CIB1: variants seen among roughly 807,000 people sequenced by gnomAD.
CIB1 encodes the protein calcium and integrin-binding protein 1.
Under a neutral mutation model 25.0 loss-of-function variants are expected in CIB1, and 19 were observed. The ratio of observed to expected loss-of-function variants is 0.76; its 90% confidence interval spans 0.53 to 1.12. CIB1 has a LOEUF of 1.12. CIB1 is among the 50% of genes most tolerant of loss of function. The pLI is 0.00. For synonymous variants in CIB1, 104 were observed against 98.5 expected, an observed-to-expected ratio of 1.06 and a Z score of -0.33; for missense variants, 236 against 242.6, an observed-to-expected ratio of 0.97 and a Z score of 0.18.
chr15:90,265,417 G>T, the CIB1 span: 1 of 1,280,276 alleles, frequency 7.8e-7, no homozygotes, highest in Non-Finnish European at 9.9e-7. Flanking sequence ...GCAGCCGCTG[G>T]GGCGGAGGGA....
chr15:90,249,465 G>C, the CIB1 span: 45,946 of 152,114 alleles, frequency 0.3, 7,717 homozygotes, highest in East Asian at 0.69. Flanking sequence ...GCCCAAGTGG[G>C]TGTGGCTGCG....
the CIB1 span, chr15:90,250,958 G>A: frequency 6.5e-7 from 1 of 1,541,100 alleles, no homozygotes; most frequent in Non-Finnish European, 8.7e-7. Flanking sequence ...TTCAACATCT[G>A]GAGGAGCTGG....
the CIB1 span, chr15:90,243,618 ATGCCACCACACCT>A: frequency 7.1e-6 from 1 of 140,364 alleles, no homozygotes; most frequent in Non-Finnish European, 1.5e-5. Context: ...GAGTGCTAAG[ATGCCACCACACCT>A]TGGTGCAGGT....
At chr15:90,239,751 C>T in the CIB1 span, among the ~76,000 whole-genome samples, 5 of 152,190 alleles carry the variant, frequency 3.3e-5, no homozygotes, top group Middle Eastern at 3.2e-3. Flanking sequence ...TCTTATTGTC[C>T]AGGCTGGACT....
At chr15:90,265,549 G>C in the CIB1 span, 1 of 1,390,836 alleles carries the variant, frequency 7.2e-7, no homozygotes, top group South Asian at 1.4e-5. Flanking sequence ...AGGCAGAAAG[G>C]GTGGGCCACT....
the CIB1 span, chr15:90,258,337 C>T: frequency 7.4e-7 from 1 of 1,350,192 alleles, no homozygotes; most frequent in South Asian, 1.2e-5. Context: ...ACACCTGGGA[C>T]AGGGGTACAC....
At chr15:90,241,236 C>G in the CIB1 span, 1 of 1,614,184 alleles carries the variant, frequency 6.2e-7, no homozygotes, top group Non-Finnish European at 8.5e-7. Context: ...GAGGCCCCCG[C>G]AGACCATCAA....
the CIB1 span, among the ~76,000 whole-genome samples, chr15:90,247,160 G>A: frequency 6.8e-6 from 1 of 148,048 alleles, no homozygotes; most frequent in Non-Finnish European, 1.5e-5. Flanking sequence ...ATTTTTAGTA[G>A]AGACAGGGTT....
At chr15:90,232,599 G>C (rs747642316) in intron 2 of CIB1, among the ~76,000 whole-genome samples, 1 of 152,196 alleles carries the variant, frequency 6.6e-6, no homozygotes. Flanking sequence ...GTTGGGAAAG[G>C]AGCCAGAAGT....
chr15:90,260,096 T>G, the CIB1 span, among the ~76,000 whole-genome samples: 1 of 152,226 alleles, frequency 6.6e-6, no homozygotes, highest in Non-Finnish European at 1.5e-5. Flanking sequence ...CTGGACTGTG[T>G]ACCTGAGGGT....
the CIB1 span, among the ~76,000 whole-genome samples, chr15:90,247,285 T>C: frequency 5.5e-3 from 826 of 149,756 alleles, 30 homozygotes; most frequent in African/African-American, 0.02. Context: ...TTTTTTCTTT[T>C]CTTTTCTTTT....
the CIB1 span, chr15:90,262,791 A>G: frequency 8.2e-7 from 1 of 1,219,680 alleles, no homozygotes; most frequent in Non-Finnish European, 1.1e-6. Flanking sequence ...GTTCCTAATC[A>G]GTAAATTGAA....
chr15:90,263,551 C>T, the CIB1 span: 2 of 549,712 alleles, frequency 3.6e-6, no homozygotes, highest in African/African-American at 1.9e-5. Flanking sequence ...AACAAAAGAG[C>T]TGCCGCTTTC....
the CIB1 span, chr15:90,249,579 C>T: frequency 6.6e-6 from 1 of 152,288 alleles, no homozygotes; most frequent in Non-Finnish European, 1.5e-5. Flanking sequence ...CCCCGGCAGC[C>T]GCAGCCACGG....
the CIB1 span, among the ~76,000 whole-genome samples, chr15:90,240,438 G>C: frequency 6.6e-6 from 1 of 152,076 alleles, no homozygotes; most frequent in African/African-American, 2.4e-5. Flanking sequence ...AACCCAGGAG[G>C]TGGAGGTTGC....
the CIB1 span, chr15:90,241,466 G>C: frequency 6.2e-7 from 1 of 1,613,748 alleles, no homozygotes; most frequent in Non-Finnish European, 8.5e-7. Context: ...CGGGTGCACT[G>C]AGGGCAGGGA....
chr15:90,254,186 C>CTGT, the CIB1 span, among the ~76,000 whole-genome samples: 2 of 137,984 alleles, frequency 1.4e-5, no homozygotes, highest in East Asian at 2.0e-4. Flanking sequence ...GAGTGAGACC[C>CTGT]TGTTTTTTTT....
chr15:90,250,656 T>C, the CIB1 span: 27 of 1,613,988 alleles, frequency 1.7e-5, no homozygotes, highest in Non-Finnish European at 2.2e-5. Flanking sequence ...TGTAGGACCA[T>C]GGAATCAGAG....
chr15:90,234,162 G>T (rs944759352), upstream of CIB1: 4 of 237,622 alleles, frequency 1.7e-5, no homozygotes, highest in East Asian at 2.1e-4. Flanking sequence ...CCGCCTCCGG[G>T]GTGGGAGGGG....
Sources: gnomAD v4.1 joint callset for allele counts (sites outside exome capture counted in the v4.1 genomes callset) on GRCh38, gnomAD v4.1.1 for gene constraint, MANE v1.5 for transcripts, NCBI Gene and HGNC (gene_info 2026-07-23, HGNC 2026-07-21) for gene names.